Variants in SENP6 observed in about 807,000 individuals in gnomAD.
SENP6 encodes the protein sentrin-specific protease 6.
A neutral mutation model predicts 134.5 loss-of-function variants in SENP6; 41 were observed. That is an observed-to-expected ratio of 0.30 (90% CI 0.24 to 0.40). SENP6 has a LOEUF of 0.40. Ranked by LOEUF, SENP6 falls within the 10% of genes least tolerant of loss-of-function variation. The pLI is 1.00. For missense variants in SENP6, 1,248 were observed against 1,312.5 expected (o/e 0.95, Z 0.76); for synonymous variants, 395 against 429.8 (o/e 0.92, Z 1.00).
chr6:75,666,041 T>A (rs969233315), intron 9 of SENP6, among the ~76,000 whole-genome samples: 1 of 145,184 alleles, frequency 6.9e-6, no homozygotes, highest in African/African-American at 2.5e-5. Context: ...TATATATATT[T>A]TATATATATA....
In SENP6 at chr6:75,686,401, A is replaced by C. The variant is rs549484401; in HGVS notation, c.2075+7474A>C. 4.7e-4 allele frequency among the ~76,000 whole-genome samples: 72 copies of C among 152,304 alleles called. No individual in the cohort carries two copies. In the East Asian group the frequency reaches 0.01, roughly 22 times the overall value. On this transcript the variant is annotated intron_variant, in intron 16 of 23. Transcript: ENST00000447266. ...GGGCATTTAGCCCATTTACATTTAA[A>C]GTTAACATTGTTATGTGTGAATTTG...
chr6:75,703,845 G>A (rs968567124), intron 19 of SENP6, among the ~76,000 whole-genome samples: 7 of 151,992 alleles, frequency 4.6e-5, no homozygotes, highest in African/African-American at 7.3e-5. Context: ...TGTCACTTCT[G>A]TCACCCCTAG....
At chr6:75,637,472 G>A (rs1458581645) in intron 5 of SENP6, among the ~76,000 whole-genome samples, 2 of 152,084 alleles carry the variant, frequency 1.3e-5, no homozygotes, top group South Asian at 2.1e-4. Context: ...ATATTTAAAA[G>A]ATAGATTGTT....
intron 16 of SENP6, among the ~76,000 whole-genome samples, chr6:75,687,508 G>C (rs1461635783): frequency 6.6e-6 from 1 of 152,182 alleles, no homozygotes; most frequent in Non-Finnish European, 1.5e-5. Context: ...CAGCTTTTCT[G>C]CTCTGGTTTC....
At chr6:75,617,686 T>C (rs985681008) in intron 1 of SENP6, among the ~76,000 whole-genome samples, 3 of 152,220 alleles carry the variant, frequency 2.0e-5, no homozygotes, top group Non-Finnish European at 4.4e-5. Flanking sequence ...TGTGTGATAG[T>C]GTTATTACTA....
At chr6:75,631,793 T>G (rs1769132368) in intron 3 of SENP6, among the ~76,000 whole-genome samples, 1 of 152,252 alleles carries the variant, frequency 6.6e-6, no homozygotes, top group African/African-American at 2.4e-5. Context: ...AAAAGTTTGC[T>G]GATCCCTGTA....
At chr6:75,616,773 G>A in intron 1 of SENP6, among the ~76,000 whole-genome samples, 1 of 150,870 alleles carries the variant, frequency 6.6e-6, no homozygotes, top group Non-Finnish European at 1.5e-5. Flanking sequence ...AAGGAATTGT[G>A]TGTAAAGAAC....
intron 12 of SENP6, 187 bp from the exon 13 acceptor site, chr6:75,675,673 G>GA (rs1203691176): frequency 1.3e-6 from 1 of 774,368 alleles, no homozygotes; most frequent in South Asian, 1.7e-5. Context: ...TTTTCATTTG[G>GA]AAAAAATAAA....
chr6:75,643,902 A>C (rs920441643), intron 6 of SENP6, among the ~76,000 whole-genome samples: 4 of 152,214 alleles, frequency 2.6e-5, no homozygotes, highest in African/African-American at 9.6e-5. Context: ...TAATAAAAAG[A>C]GCTATCATTA....
At chr6:75,666,257 A>G (rs545732180) in intron 9 of SENP6, among the ~76,000 whole-genome samples, 2 of 147,246 alleles carry the variant, frequency 1.4e-5, no homozygotes, top group African/African-American at 4.9e-5. Flanking sequence ...TATATATACG[A>G]TATATATAAA....
intron 3 of SENP6, 35 bp from the exon 4 acceptor site, chr6:75,633,546 A>G: frequency 6.4e-7 from 1 of 1,553,228 alleles, no homozygotes. Flanking sequence ...ACATTATAGC[A>G]TTTTTGACTC....
intron 1 of SENP6, among the ~76,000 whole-genome samples, chr6:75,612,718 C>T (rs914297064): frequency 1.3e-5 from 2 of 152,160 alleles, no homozygotes; most frequent in Admixed American, 6.5e-5. Flanking sequence ...ACTGAAACCA[C>T]TTTGGAGATC....
In SENP6 at chr6:75,715,753, G is replaced by A. The variant is rs1390238101; in HGVS notation, c.*159G>A. 2.1e-6 allele frequency: 1 copy of A among 486,646 alleles called. No homozygotes were observed. The highest frequency in any genetic ancestry group is 3.5e-6 in the Non-Finnish European group (1 of 282,918). The allele number at this position is 486,646 out of a possible 1,614,324, so 30.1% of individuals were successfully genotyped here. On this transcript the variant is annotated 3_prime_UTR_variant, in exon 24 of 24. Transcript: ENST00000447266. Reference sequence around the variant, plus strand: ...TAATTTCCAAAGGCGTATGTATTAAGTAAAAGTCTGTAAATATGTTAATGA... The same window carrying A: ...TAATTTCCAAAGGCGTATGTATTAAATAAAAGTCTGTAAATATGTTAATGA...
rs778644491 is a variant in SENP6, at chr6:75,647,727, T to C, written c.480-4T>C. 7 of 1,599,090 alleles carry C rather than the reference T, an allele frequency of 4.4e-6. No individual in the cohort carries two copies. The South Asian group carries it at 5.5e-5, about 13-fold the overall frequency. ...GAATAAAACTACATAAATTTCTTTT[T>C]TAGGAAAGAATACCCACCTCATGTC... On this transcript the variant is annotated splice_region_variant and splice_polypyrimidine_tract_variant and intron_variant, in intron 6 of 23. Coordinates refer to ENST00000447266, the MANE Select transcript of SENP6 (RefSeq NM_015571.4).
At chr6:75,676,110 T>C (rs779083284) in intron 13 of SENP6, 56 bp downstream of exon 13, 24 of 1,235,272 alleles carry the variant, frequency 1.9e-5, no homozygotes, top group Non-Finnish European at 2.6e-5. Context: ...ATTTACAATA[T>C]CTGTTAAATA....
At chr6:75,714,284 A>T (rs538596937) in intron 23 of SENP6, among the ~76,000 whole-genome samples, 2 of 152,164 alleles carry the variant, frequency 1.3e-5, no homozygotes, top group African/African-American at 4.8e-5. Flanking sequence ...GACAGTGTCA[A>T]CCATTTCTTC....
intron 6 of SENP6, among the ~76,000 whole-genome samples, chr6:75,641,963 T>A (rs1770062556): frequency 6.6e-6 from 1 of 152,198 alleles, no homozygotes; most frequent in Admixed American, 6.5e-5. Context: ...ATTTTGACAT[T>A]TGTACATCAG....
rs1371499134 is a variant in SENP6 at position 75,671,118 on chromosome 6, T to A, written c.1392+398T>A. Among the ~76,000 whole-genome samples, 17 of 152,348 alleles carry A rather than the reference T, an allele frequency of 1.1e-4. No individual in the cohort carries two copies. In the East Asian group the frequency reaches 3.3e-3, roughly 29 times the overall value. On this transcript the variant is annotated intron_variant, in intron 11 of 23. Coordinates refer to ENST00000447266, the MANE Select transcript of SENP6 (RefSeq NM_015571.4). Reference sequence around the variant, plus strand: ...AGCATCAAGACTCCTAGAAATAGATTATTGTACTATAATGGCTGCCCAAAG... The same window carrying A: ...AGCATCAAGACTCCTAGAAATAGATAATTGTACTATAATGGCTGCCCAAAG...
At chr6:75,695,035 C>T (rs556109632) in intron 16 of SENP6, among the ~76,000 whole-genome samples, 46 of 152,070 alleles carry the variant, frequency 3.0e-4, no homozygotes, top group African/African-American at 7.7e-4. Context: ...CCACCACACC[C>T]GGCTAAATTT....
Sources: gnomAD v4.1 joint callset for allele counts (sites outside exome capture counted in the v4.1 genomes callset) on GRCh38, gnomAD v4.1.1 for gene constraint, MANE v1.5 for transcripts, NCBI Gene and HGNC (gene_info 2026-07-23, HGNC 2026-07-21) for gene names.